The following NLGN1 variants were observed in gnomAD, a reference collection of about 807,000 sequenced individuals.
NLGN1 encodes neuroligin-1.
NLGN1 carries 12 observed loss-of-function variants against 65.5 expected under a neutral mutation model. That is an observed-to-expected ratio of 0.18 (90% CI 0.12 to 0.30). The LOEUF (loss-of-function observed/expected upper bound fraction) is 0.30. Among genes scored for constraint, NLGN1 ranks in the 10% least tolerant of loss-of-function variants. NLGN1 has a pLI of 1.00. For missense variants in NLGN1, 750 were observed against 1,007.1 expected (o/e 0.74, Z 3.46); for synonymous variants, 350 against 359.5 (o/e 0.97, Z 0.30).
chr3:173,620,955 TGAACATAAGTTTTCA>T (rs1753893298), intron 3 of NLGN1, among the ~76,000 whole-genome samples: 1 of 152,104 alleles, frequency 6.6e-6, no homozygotes, highest in South Asian at 2.1e-4. Context: ...ACTAGACAAA[TGAACATAAGTTTTCA>T]GAACACTGGT....
chr3:173,447,771 TTCACATCCCTTGTAAGTTGGATTCC>T (rs1299166726), intron 2 of NLGN1, among the ~76,000 whole-genome samples: 1 of 152,200 alleles, frequency 6.6e-6, no homozygotes, highest in Non-Finnish European at 1.5e-5. Flanking sequence ...GAAGAGATCC[TTCACATCCCTTGTAAGTTGGATTCC>T]TAGGTATTTT....
At chr3:173,951,257 T>G (rs1748148054) in intron 4 of NLGN1, among the ~76,000 whole-genome samples, 1 of 152,174 alleles carries the variant, frequency 6.6e-6, no homozygotes, top group African/African-American at 2.4e-5. Flanking sequence ...TTTGGAAAAT[T>G]ATTTGGTAGT....
intron 3 of NLGN1, among the ~76,000 whole-genome samples, chr3:173,655,007 C>G (rs982387561): frequency 2.0e-5 from 3 of 152,110 alleles, no homozygotes; most frequent in Non-Finnish European, 4.4e-5. Context: ...GCCATATGAC[C>G]TTGGGAAATT....
chr3:173,640,547 CA>C lies in NLGN1; in HGVS notation c.493+35457del, dbSNP rs555542180. On this transcript the variant is annotated intron_variant, in intron 3 of 6. Transcript: ENST00000457714. ...ATGACTTTCACCGTAAGGCTATTATCATATCTAAGAAAATTAACATTTATTT... is the reference window on the plus strand; with the variant it reads ...ATGACTTTCACCGTAAGGCTATTATCTATCTAAGAAAATTAACATTTATTT... Among the ~76,000 whole-genome samples the C allele has an allele frequency of 2.0e-3, 309 of 152,176 alleles. 2 individuals carry two copies. The highest frequency in any genetic ancestry group is 1.9e-3 in the Non-Finnish European group (130 of 67,980).
At chr3:173,579,348 C>T (rs78017732) in intron 2 of NLGN1, among the ~76,000 whole-genome samples, 3,590 of 152,242 alleles carry the variant, frequency 0.024, 56 homozygotes, top group Middle Eastern at 0.048. Context: ...GATGGCATGG[C>T]GCCGGTATTC....
intron 3 of NLGN1, among the ~76,000 whole-genome samples, chr3:173,718,592 A>G (rs1770274894): frequency 6.6e-6 from 1 of 152,170 alleles, no homozygotes; most frequent in Admixed American, 6.5e-5. Flanking sequence ...AATTTTGAAA[A>G]GTTTCACTCA....
chr3:173,728,909 A>C (rs1473233823), intron 3 of NLGN1, among the ~76,000 whole-genome samples: 1 of 152,090 alleles, frequency 6.6e-6, no homozygotes, highest in Non-Finnish European at 1.5e-5. Context: ...ATTTTAAGCC[A>C]CCGAGTTTGT....
intron 4 of NLGN1, among the ~76,000 whole-genome samples, chr3:174,039,920 A>C (rs552155358): frequency 6.6e-6 from 1 of 152,302 alleles, no homozygotes; most frequent in South Asian, 2.1e-4. Flanking sequence ...TGGTAGCTGG[A>C]AAGCTTACTG....
chr3:173,741,935 G>C (rs570973626), intron 3 of NLGN1, among the ~76,000 whole-genome samples: 1 of 152,064 alleles, frequency 6.6e-6, no homozygotes, highest in African/African-American at 2.4e-5. Flanking sequence ...CGTAATGTAC[G>C]CTCCTTTGTT....
intron 4 of NLGN1, among the ~76,000 whole-genome samples, chr3:174,012,956 C>CA (rs1398503756): frequency 1.3e-5 from 2 of 152,178 alleles, no homozygotes; most frequent in Admixed American, 1.3e-4. Context: ...AAAAGTGAAT[C>CA]AGACAGTGAG....
intron 2 of NLGN1, among the ~76,000 whole-genome samples, chr3:173,485,983 A>G (rs973634045): frequency 4.6e-5 from 7 of 151,996 alleles, no homozygotes; most frequent in Admixed American, 2.0e-4. Flanking sequence ...AAATCTGGCA[A>G]GGCCTCCCAG....
intron 4 of NLGN1, among the ~76,000 whole-genome samples, chr3:174,005,393 A>C: frequency 6.6e-6 from 1 of 152,172 alleles, no homozygotes; most frequent in East Asian, 1.9e-4. Context: ...TCTAGATTCT[A>C]ATGTAAGTGC....
intron 2 of NLGN1, among the ~76,000 whole-genome samples, chr3:173,589,144 C>G (rs1748006284): frequency 6.6e-6 from 1 of 152,192 alleles, no homozygotes; most frequent in Non-Finnish European, 1.5e-5. Flanking sequence ...TTTAAGTGGA[C>G]AAACTTTGAT....
At chr3:173,600,260 C>T (rs1328342380) in intron 2 of NLGN1, among the ~76,000 whole-genome samples, 1 of 151,190 alleles carries the variant, frequency 6.6e-6, no homozygotes, top group African/African-American at 2.4e-5. Context: ...GTCTGTGTTC[C>T]CTAATTTAGT....
intron 2 of NLGN1, among the ~76,000 whole-genome samples, chr3:173,573,413 C>A (rs1459244382): frequency 6.6e-6 from 1 of 151,614 alleles, no homozygotes. Context: ...GCTGAGAGAG[C>A]AAATACATAG....
intron 2 of NLGN1, among the ~76,000 whole-genome samples, chr3:173,585,949 G>C (rs1747367783): frequency 1.3e-5 from 2 of 152,140 alleles, no homozygotes; most frequent in South Asian, 4.1e-4. Context: ...CAGTGAATAT[G>C]AATTGACTCA....
At chr3:174,147,982 C>T (rs1398372474) in intron 4 of NLGN1, among the ~76,000 whole-genome samples, 1 of 152,158 alleles carries the variant, frequency 6.6e-6, no homozygotes, top group Non-Finnish European at 1.5e-5. Flanking sequence ...AACAAATTTG[C>T]ATGCCCCAAT....
chr3:173,668,690 C>G (rs1762057089), intron 3 of NLGN1, among the ~76,000 whole-genome samples: 1 of 149,176 alleles, frequency 6.7e-6, no homozygotes, highest in Non-Finnish European at 1.5e-5. Context: ...GTGGCATGAT[C>G]TCAGCTCACT....
chr3:174,118,412 G>A (rs1717018932), intron 4 of NLGN1, among the ~76,000 whole-genome samples: 1 of 152,106 alleles, frequency 6.6e-6, no homozygotes, highest in Non-Finnish European at 1.5e-5. Flanking sequence ...TCCAAAGCCT[G>A]TTTGTTGCAG....
Sources: allele counts gnomAD v4.1 joint callset (sites outside exome capture counted in the v4.1 genomes callset), GRCh38; gene constraint gnomAD v4.1.1; transcripts MANE v1.5; gene names NCBI Gene and HGNC (gene_info 2026-07-23, HGNC 2026-07-21).